UNC80: variants seen among roughly 807,000 people sequenced by gnomAD.
The protein encoded by UNC80 is protein unc-80 homolog.
In UNC80, 164 loss-of-function variants were observed where a neutral mutation model predicts 384.6. That is an observed-to-expected ratio of 0.43 (90% confidence interval 0.38 to 0.49). UNC80 has a LOEUF of 0.49. Ranked by LOEUF, UNC80 falls within the 20% of genes least tolerant of loss-of-function variation. The pLI, the probability that UNC80 is intolerant of heterozygous loss-of-function variation, is 0.00. For synonymous variants in UNC80, 1,486 were observed against 1,527.8 expected (o/e 0.97, Z 0.64); for missense variants, 3,330 against 4,143.0 (o/e 0.80, Z 5.39).
intron 60 of UNC80, among the ~76,000 whole-genome samples, chr2:209,984,233 A>T (rs1431270601): frequency 6.6e-6 from 1 of 152,212 alleles, no homozygotes; most frequent in African/African-American, 2.4e-5. Context: ...TCACTAGAGG[A>T]TGGAGAGTAA....
chr2:209,932,749 T>C (rs1421261725), intron 38 of UNC80, among the ~76,000 whole-genome samples: 1 of 152,210 alleles, frequency 6.6e-6, no homozygotes, highest in Non-Finnish European at 1.5e-5. Flanking sequence ...ATCCCAGAGA[T>C]TACCAGGCTG....
At chr2:209,841,837 T>C (rs1402068791) in intron 20 of UNC80, among the ~76,000 whole-genome samples, 2 of 152,254 alleles carry the variant, frequency 1.3e-5, no homozygotes. Context: ...CGAAAAATTT[T>C]GAGTACTGCT....
intron 47 of UNC80, among the ~76,000 whole-genome samples, chr2:209,947,515 C>T (rs909302046): frequency 2.0e-5 from 3 of 152,056 alleles, no homozygotes; most frequent in Admixed American, 2.0e-4. Flanking sequence ...GAGTTAAAAG[C>T]CAAAGTCTAA....
At chr2:209,862,592 T>C (rs953628925) in intron 22 of UNC80, among the ~76,000 whole-genome samples, 5 of 152,150 alleles carry the variant, frequency 3.3e-5, no homozygotes, top group Admixed American at 2.6e-4. Context: ...TCTTTGTCTT[T>C]TTTGATCTTT....
intron 7 of UNC80, among the ~76,000 whole-genome samples, chr2:209,802,116 G>A (rs2078600082): frequency 6.6e-6 from 1 of 152,112 alleles, no homozygotes. Flanking sequence ...ACTTGTAGAA[G>A]TAGAGTAGAA....
chr2:209,994,516 C>T (rs1338435131), intron 64 of UNC80, among the ~76,000 whole-genome samples: 1 of 152,180 alleles, frequency 6.6e-6, no homozygotes, highest in Non-Finnish European at 1.5e-5. Context: ...AAATACTTTG[C>T]AGCTAAAACA....
At chr2:209,796,303 C>A (rs1350788508) in intron 7 of UNC80, 1 of 152,254 alleles carries the variant, frequency 6.6e-6, no homozygotes, top group Non-Finnish European at 1.5e-5. Context: ...CCTGTACCCC[C>A]ATTGTATCTA....
At chr2:209,867,198 A>T (rs1260406069) in intron 22 of UNC80, among the ~76,000 whole-genome samples, 1 of 152,214 alleles carries the variant, frequency 6.6e-6, no homozygotes, top group Non-Finnish European at 1.5e-5. Flanking sequence ...GAGAAATGCA[A>T]ATTTCCAGGC....
chr2:209,830,290 C>A lies in UNC80; in HGVS notation c.2626+911C>A, dbSNP rs192546284. Among the ~76,000 whole-genome samples the A allele has an allele frequency of 3.9e-4, 59 of 152,180 alleles. 1 individual carries two copies. The East Asian group carries it at 4.3e-3, about 11-fold the overall frequency. On this transcript the variant is annotated intron_variant, in intron 15 of 64. Transcript: ENST00000673920. ...TAAAATATTGCTCCTCTATAGAACC[C>A]CTCAAACAATCTATTAGCAGAGTTG...
At chr2:209,790,925 G>T (rs2077754481) in intron 6 of UNC80, among the ~76,000 whole-genome samples, 1 of 151,962 alleles carries the variant, frequency 6.6e-6, no homozygotes, top group Non-Finnish European at 1.5e-5. Context: ...AATTAACAGG[G>T]TATTTTTTTC....
intron 2 of UNC80, among the ~76,000 whole-genome samples, chr2:209,773,482 A>G (rs2076693457): frequency 6.6e-6 from 1 of 152,260 alleles, no homozygotes; most frequent in Non-Finnish European, 1.5e-5. Context: ...GATAAGGCTT[A>G]TCTACCCATT....
chr2:209,824,269 G>A (rs1458028826), intron 13 of UNC80, among the ~76,000 whole-genome samples: 1 of 152,094 alleles, frequency 6.6e-6, no homozygotes, highest in East Asian at 1.9e-4. Flanking sequence ...TTAAGTAGGG[G>A]TCCCTGGAAA....
intron 31 of UNC80, among the ~76,000 whole-genome samples, chr2:209,914,709 A>G (rs2089327174): frequency 6.6e-6 from 1 of 151,538 alleles, no homozygotes; most frequent in African/African-American, 2.4e-5. Flanking sequence ...ATATGTATGT[A>G]TATATGTAAG....
Position 209,976,935 on chromosome 2 carries a change from A to C in UNC80, c.8795A>C (p.Asn2932Thr), listed in dbSNP as rs771284860. The C allele has an allele frequency of 1.4e-5, 21 of 1,522,828 alleles. No homozygotes were observed. In the African/African-American group the frequency reaches 2.9e-4, roughly 21 times the overall value. 94.3% of individuals were successfully genotyped at this position (1,522,828 alleles called of 1,614,324 possible). The change falls in exon 58 of 65, where the codon AAT becomes ACT. Residue 2932 changes from asparagine (N) to threonine (T), a missense_variant. Asn to Thr is a moderately conservative substitution (Grantham distance 65, BLOSUM62 0). This residue lies in a region of UNC80 where 216 missense variants were observed against 245.3 expected (regional missense o/e 0.88). Transcript: ENST00000673920. The surrounding 1 kb of genome is among the most constrained non-coding windows in gnomAD (Gnocchi z 4.3). The stretch of plus-strand genomic sequence containing the variant: ...CAGCTGCTGGCCCAACCAGCAGAGA[A>C]TCATGAAGAGCTTTCCGCCCGGCAA... ...QCKLLAQPAE[N>T]HEELSARQHI...
chr2:209,825,219 G>A (rs2080427093), intron 13 of UNC80, among the ~76,000 whole-genome samples: 1 of 152,078 alleles, frequency 6.6e-6, no homozygotes, highest in African/African-American at 2.4e-5. Flanking sequence ...AATAATTCAA[G>A]GAAGTTCCTT....
intron 48 of UNC80, among the ~76,000 whole-genome samples, chr2:209,954,787 TAA>T (rs1262336193): frequency 5.3e-5 from 8 of 152,198 alleles, no homozygotes; most frequent in Admixed American, 1.3e-4. Context: ...CTGCTTGAAT[TAA>T]TAGATTCTCT....
Position 209,815,339 on chromosome 2 carries a change from G to T in UNC80, c.1283G>T (p.Arg428Ile), listed in dbSNP as rs2079654872. 4 of 1,551,562 alleles carry T rather than the reference G, an allele frequency of 2.6e-6. No individual in the cohort carries two copies. Among genetic ancestry groups the T allele is most frequent in the Admixed American group, 2.0e-5 (1 of 50,984 alleles). ...FSKVSLTNLR[R>I]SAVPDLSSDL... is the part of the protein sequence containing the mutation. The stretch of plus-strand genomic sequence containing the variant: ...AAGGTTTCACTGACCAATCTGCGTA[G>T]ATCTGCAGTCCCAGATCTTTCTTCA... The change falls in exon 9 of 65, where the codon AGA (arginine) becomes ATA (isoleucine). Residue 428 changes from arginine (R) to isoleucine (I), a missense_variant. Arg to Ile is a moderately conservative substitution (Grantham distance 97). Around this residue, in one of 8 missense-constraint regions of UNC80, gnomAD observed 937 missense variants for 1,026.8 expected, o/e 0.91. Coordinates refer to ENST00000673920, the MANE Select transcript of UNC80 (RefSeq NM_001371986.1).
At position 209,998,794 on chromosome 2, in the gene UNC80, CA is replaced by C. The variant is rs900033408; in HGVS notation, c.*3201del. The C allele has an allele frequency of 2.0e-5, 3 of 152,174 alleles. No homozygotes were observed. Among genetic ancestry groups the C allele is most frequent in the African/African-American group, 4.8e-5 (2 of 41,442 alleles). The allele number at this position is 152,174 out of a possible 1,614,324, so 9.4% of individuals were successfully genotyped here. A position where few individuals can be genotyped will look rare whatever the true frequency, so the allele number is the denominator to read the frequency against. ...TCTCCAGAATTCGCTGCTATCACAC[CA>C]AGTCATGCTGTTGCCCTGTGACCTC... On this transcript the variant is annotated 3_prime_UTR_variant, in exon 65 of 65. Transcript: ENST00000673920.
intron 22 of UNC80, among the ~76,000 whole-genome samples, chr2:209,860,038 A>G (rs1333620315): frequency 1.3e-5 from 2 of 151,664 alleles, no homozygotes; most frequent in African/African-American, 2.4e-5. Flanking sequence ...ATTATATCCC[A>G]TTTGTCGATT....
Sources: gnomAD v4.1 joint callset for allele counts (sites outside exome capture counted in the v4.1 genomes callset) on GRCh38, gnomAD v4.1.1 for gene constraint, gnomAD v4.1.1 regional missense constraint, Gnocchi (gnomAD v3.1) non-coding constraint, MANE v1.5 for transcripts, NCBI Gene and HGNC (gene_info 2026-07-23, HGNC 2026-07-21) for gene names.